The following ANKIB1 variants were observed in gnomAD, a reference collection of about 807,000 sequenced individuals.
ANKIB1 encodes the protein ankyrin repeat and IBR domain containing 1, also known as ankyrin repeat and IBR domain-containing protein 1.
Under a neutral mutation model 122.1 loss-of-function variants are expected in ANKIB1, and 43 were observed. That is an observed-to-expected ratio of 0.35 (90% CI 0.28 to 0.45). The LOEUF is 0.45. Among genes scored for constraint, ANKIB1 ranks in the 20% least tolerant of loss-of-function variants. The pLI is 1.00. For missense variants in ANKIB1, 992 were observed against 1,329.5 expected (o/e 0.75, Z 3.95); for synonymous variants, 390 against 442.0 (o/e 0.88, Z 1.48).
intron 1 of ANKIB1, among the ~76,000 whole-genome samples, chr7:92,287,436 A>T (rs1802153562): frequency 6.6e-6 from 1 of 152,152 alleles, no homozygotes; most frequent in Non-Finnish European, 1.5e-5. Flanking sequence ...ATTTTCTCAT[A>T]TTATGTTGAT....
Position 92,345,152 on chromosome 7 carries a change from A to T in ANKIB1, c.1085+86A>T, listed in dbSNP as rs1803513720. 2.3e-5 allele frequency: 22 copies of T among 961,852 alleles called. No homozygotes were observed. In the South Asian group the frequency reaches 3.2e-4, roughly 14 times the overall value. The allele number at this position is 961,852 out of a possible 1,614,324, so 59.6% of individuals were successfully genotyped here. The stretch of plus-strand genomic sequence containing the variant: ...AATTGTTTGCTTTCAGTATTTAATG[A>T]TGCAAATTGTTTATATTGACTTCTG... On this transcript the variant is annotated intron_variant, in intron 7 of 19. Transcript: ENST00000265742.
chr7:92,270,994 G>C (rs921160727), intron 1 of ANKIB1, among the ~76,000 whole-genome samples: 6 of 151,642 alleles, frequency 4.0e-5, no homozygotes, highest in African/African-American at 1.5e-4. Context: ...TTCTTTTATA[G>C]ATAATGCTTT....
chr7:92,319,681 CAG>C, intron 4 of ANKIB1, 169 bp downstream of exon 4: 1 of 671,388 alleles, frequency 1.5e-6, no homozygotes, highest in South Asian at 2.3e-5. Flanking sequence ...AGGCCAACCA[CAG>C]TGGCTCATGC....
chr7:92,372,394 T>C (rs1562795687), intron 11 of ANKIB1, among the ~76,000 whole-genome samples: 1 of 152,176 alleles, frequency 6.6e-6, no homozygotes, highest in Non-Finnish European at 1.5e-5. Flanking sequence ...TAATACACCA[T>C]TTTTTGTCGG....
chr7:92,264,940 T>C (rs1286830868), intron 1 of ANKIB1, among the ~76,000 whole-genome samples: 1 of 152,194 alleles, frequency 6.6e-6, no homozygotes, highest in Non-Finnish European at 1.5e-5. Context: ...AAGACCAATA[T>C]ATAGGGTGTT....
In ANKIB1 at chr7:92,274,581, A is replaced by T. The variant is rs369399922; in HGVS notation, c.-90-20308A>T. ...TTGTGGTCATTTAAAAAAAAAAAGC[A>T]ATGTTTCAGAACAGGAGCACTAGCT... On this transcript the variant is annotated intron_variant, in intron 1 of 19. Transcript: ENST00000265742. Among the ~76,000 whole-genome samples the T allele has an allele frequency of 1.7e-3, 256 of 152,234 alleles. 1 individual carries two copies. The highest frequency in any genetic ancestry group is 5.8e-3 in the African/African-American group (240 of 41,538).
At chr7:92,248,888 CTTTTTTT>C (rs778549860) in intron 1 of ANKIB1, among the ~76,000 whole-genome samples, 1 of 123,038 alleles carries the variant, frequency 8.1e-6, no homozygotes, top group African/African-American at 3.1e-5. Flanking sequence ...TCTTTTCTTT[CTTTTTTT>C]TTTTTTTTTT....
chr7:92,384,566 C>T (rs1378338923), intron 11 of ANKIB1, among the ~76,000 whole-genome samples: 3 of 152,128 alleles, frequency 2.0e-5, no homozygotes, highest in Non-Finnish European at 4.4e-5. Context: ...GAACAGAGGC[C>T]TCAGAAATAA....
In ANKIB1 at chr7:92,398,555, C is replaced by A; in HGVS notation, c.2876C>A (p.Ala959Asp). ...FCPSSSDPDS[A>D]GQDPNINDNL... is the part of the protein sequence containing the mutation. ...CCCTCATCTAGTGATCCTGACTCAG[C>A]TGGCCAGGACCCCAACATCAATGAC... The change falls in exon 20 of 20, where the codon GCT (alanine) becomes GAT (aspartate). Residue 959 changes from alanine (A) to aspartate (D), a missense_variant. This residue lies in a region of ANKIB1 where 384 missense variants were observed against 412.0 expected (regional missense o/e 0.93). Transcript: ENST00000265742. 2 of 1,613,924 alleles carry A rather than the reference C, an allele frequency of 1.2e-6. No homozygotes were observed. Among genetic ancestry groups the A allele is most frequent in the African/African-American group, 1.3e-5 (1 of 75,040 alleles).
intron 19 of ANKIB1, 83 bp from the exon 20 acceptor site, chr7:92,398,128 TA>T (rs1804939879): frequency 3.6e-6 from 5 of 1,377,364 alleles, no homozygotes; most frequent in Non-Finnish European, 4.8e-6. Flanking sequence ...AATCTGTTGG[TA>T]AAGGAAGAAT....
At position 92,307,413 on chromosome 7, in the gene ANKIB1, A is replaced by G. The variant is rs369447057; in HGVS notation, c.243A>G (p.Thr81=). Residue 81 remains threonine (T), a synonymous_variant, in exon 3 of 20, where the codon ACA becomes ACG. Transcript: ENST00000265742. Reference sequence around the variant, plus strand: ...ATAAACGGAATGTGCACAATGAAACATCTATGCATTTGTTGTGTATGGGAC... The same window carrying G: ...ATAAACGGAATGTGCACAATGAAACGTCTATGCATTTGTTGTGTATGGGAC... The part of the protein sequence containing the change: ...NPNKRNVHNE[T]SMHLLCMGPQ... 6 of 1,613,842 alleles carry G rather than the reference A, an allele frequency of 3.7e-6. No individual in the cohort carries two copies. In the African/African-American group the frequency reaches 6.7e-5, roughly 18 times the overall value.
chr7:92,334,159 A>G (rs1803237229), intron 5 of ANKIB1, among the ~76,000 whole-genome samples: 1 of 152,158 alleles, frequency 6.6e-6, no homozygotes, highest in African/African-American at 2.4e-5. Context: ...TTTAAGAGGT[A>G]ATAGTACTTA....
intron 10 of ANKIB1, among the ~76,000 whole-genome samples, chr7:92,366,675 A>C (rs980524597): frequency 2.6e-5 from 4 of 152,132 alleles, no homozygotes; most frequent in Non-Finnish European, 4.4e-5. Context: ...CAATTCTTCA[A>C]GTTCATTATA....
At chr7:92,367,592 T>G (rs1166477166) in intron 10 of ANKIB1, among the ~76,000 whole-genome samples, 2 of 152,180 alleles carry the variant, frequency 1.3e-5, no homozygotes, top group African/African-American at 4.8e-5. Flanking sequence ...TTTTCCGAAG[T>G]CTTTGAATTA....
intron 1 of ANKIB1, among the ~76,000 whole-genome samples, chr7:92,282,226 G>A (rs1032276566): frequency 2.0e-5 from 3 of 151,936 alleles, no homozygotes; most frequent in South Asian, 2.1e-4. Flanking sequence ...CCATCTCGGT[G>A]CACCACACCC....
intron 2 of ANKIB1, among the ~76,000 whole-genome samples, chr7:92,300,446 ATTG>A (rs1802437449): frequency 1.3e-5 from 2 of 152,116 alleles, no homozygotes; most frequent in Non-Finnish European, 2.9e-5. Flanking sequence ...AAATTACCTT[ATTG>A]TTCTCATTTC....
At chr7:92,383,311 T>G (rs866844379) in intron 11 of ANKIB1, among the ~76,000 whole-genome samples, 1 of 152,128 alleles carries the variant, frequency 6.6e-6, no homozygotes, top group African/African-American at 2.4e-5. Context: ...GTACCAGAGC[T>G]GCCAAGAGGA....
chr7:92,270,282 C>CTT (rs1801760576), intron 1 of ANKIB1, among the ~76,000 whole-genome samples: 1 of 152,070 alleles, frequency 6.6e-6, no homozygotes, highest in Admixed American at 6.6e-5. Flanking sequence ...AGGCTGGTCT[C>CTT]TAACTCCTGG....
At chr7:92,387,080 G>T (rs541564003) in intron 12 of ANKIB1, among the ~76,000 whole-genome samples, 7 of 147,546 alleles carry the variant, frequency 4.7e-5, no homozygotes, top group African/African-American at 1.7e-4. Flanking sequence ...CTTGATGAGG[G>T]TTCTCTTGGT....
Sources: gnomAD v4.1 joint callset for allele counts (sites outside exome capture counted in the v4.1 genomes callset) on GRCh38, gnomAD v4.1.1 for gene constraint, gnomAD v4.1.1 regional missense constraint, MANE v1.5 for transcripts, NCBI Gene and HGNC (gene_info 2026-07-23, HGNC 2026-07-21) for gene names.